The following PCYT1A variants were observed in gnomAD, a reference collection of about 807,000 sequenced individuals.
PCYT1A encodes the protein phosphate cytidylyltransferase 1A, choline.
A neutral mutation model predicts 43.7 loss-of-function variants in PCYT1A; 25 were observed. The ratio of observed to expected loss-of-function variants is 0.57; its 90% confidence interval spans 0.42 to 0.80. The LOEUF is 0.80. Among genes scored for constraint, PCYT1A ranks in the 30% least tolerant of loss-of-function variants. The probability of loss-of-function intolerance (pLI) is 0.00; values close to 1 mark genes in which losing one functional copy is unlikely to be tolerated. For synonymous variants in PCYT1A, 172 were observed against 170.7 expected (o/e 1.01, Z -0.06); for missense variants, 421 against 474.2 (o/e 0.89, Z 1.04).
intron 2 of PCYT1A, among the ~76,000 whole-genome samples, chr3:196,265,440 G>A (rs1725239478): frequency 6.6e-6 from 1 of 152,042 alleles, no homozygotes; most frequent in Non-Finnish European, 1.5e-5. Context: ...TGAACCTTTA[G>A]AAACATCTGT....
At position 196,247,839 on chromosome 3, in the gene PCYT1A, T is replaced by C; in HGVS notation, c.335-321A>G. 1 of 519,108 alleles carries C rather than the reference T, an allele frequency of 1.9e-6. No homozygotes were observed. The highest frequency in any genetic ancestry group is 3.8e-5 in the East Asian group (1 of 26,558). The allele number at this position is 519,108 out of a possible 1,614,324, so 32.2% of individuals were successfully genotyped here. A position where few individuals can be genotyped will look rare whatever the true frequency, so the allele number is the denominator to read the frequency against. On this transcript the variant is annotated intron_variant, in intron 4 of 8. Transcript: ENST00000431016. This position sits in a 1 kb window ranked among gnomAD's most constrained non-coding sequence, Gnocchi z 4.8. ...AGTCCTTAAACATGTTTTCCTGTTT[T>C]ATTCACACTGGACTGGACCACCTAA...
At chr3:196,239,492 G>A in intron 8 of PCYT1A, 55 bp downstream of exon 8, 1 of 1,169,026 alleles carries the variant, frequency 8.6e-7, no homozygotes, top group Non-Finnish European at 1.3e-6. Flanking sequence ...CAATGATTCT[G>A]TCATTCTTTC....
In PCYT1A at chr3:196,238,831, T is replaced by C; in HGVS notation, c.961A>G (p.Ser321Gly). Residue 321 changes from serine to glycine, a missense_variant, in exon 9 of 9, where the codon AGC becomes GGC. By Grantham distance (56) the Ser-to-Gly change is moderately conservative (BLOSUM62 0). Around this residue, in one of 3 missense-constraint regions of PCYT1A, gnomAD observed 108 missense variants for 85.7 expected, o/e 1.26. Transcript: ENST00000431016. ...GAGCGCTCGCGAGTAGGGCTGCTGC[T>C]GGGGCTCTGCTTCGGGCTGATGGCC... The part of the protein sequence containing the change: ...LQAISPKQSP[S>G]SSPTRERSPS... 6.4e-7 allele frequency: 1 copy of C among 1,565,916 alleles called. No homozygotes were observed.
At chr3:196,246,783 T>C (rs945119585) in intron 5 of PCYT1A, among the ~76,000 whole-genome samples, 1 of 152,106 alleles carries the variant, frequency 6.6e-6, no homozygotes, top group Non-Finnish European at 1.5e-5. Context: ...GTTCTAAGGG[T>C]AGATGTGCCT....
intron 2 of PCYT1A, among the ~76,000 whole-genome samples, chr3:196,270,107 T>C (rs66805306): frequency 0.37 from 55,885 of 152,038 alleles, 10,989 homozygotes; most frequent in East Asian, 0.81. Context: ...CAGGTGATCC[T>C]CCCACCTCAG....
chr3:196,282,406 T>C lies in PCYT1A; in HGVS notation c.-11+5209A>G, dbSNP rs1033780703. On this transcript the variant is annotated intron_variant, in intron 1 of 8. Transcript: ENST00000431016. This position sits in a 1 kb window ranked among gnomAD's most constrained non-coding sequence, Gnocchi z 4.3. ...TTCCTAGAGTGGGTTATGGAACTCA[T>C]ATCTCTGAGGCAGGGTCTATGATAG... Among the ~76,000 whole-genome samples the C allele has an allele frequency of 6.6e-6, 1 of 152,228 alleles. No homozygotes were observed. The highest frequency in any genetic ancestry group is 6.5e-5 in the Admixed American group (1 of 15,274).
chr3:196,246,501 G>A (rs545546595), intron 5 of PCYT1A, among the ~76,000 whole-genome samples: 4 of 152,004 alleles, frequency 2.6e-5, no homozygotes, highest in Non-Finnish European at 5.9e-5. Flanking sequence ...CTCCCAAAGT[G>A]CTTGGATTAC....
rs373221653 is a variant in PCYT1A, at chr3:196,239,531, G to C, written c.897+16C>G. ...AACATGGAACTCCCTACATTGTCCA[G>C]TGGGAAAGAACATACCAGTGCTCCT... On this transcript the variant is annotated intron_variant, in intron 8 of 8. Coordinates refer to ENST00000431016, the MANE Select transcript of PCYT1A (RefSeq NM_001312673.2). 181 of 1,550,952 alleles carry C rather than the reference G, an allele frequency of 1.2e-4. 1 individual carries two copies. Among genetic ancestry groups the C allele is most frequent in the Non-Finnish European group, 1.6e-4 (179 of 1,123,632 alleles).
At chr3:196,257,754 A>T in intron 3 of PCYT1A, 34 bp downstream of exon 3, 2 of 1,269,856 alleles carry the variant, frequency 1.6e-6, no homozygotes. Context: ...TAAAAACAAT[A>T]GTCAAACAAC....
At chr3:196,256,033 C>G (rs1441779217) in intron 3 of PCYT1A, among the ~76,000 whole-genome samples, 1 of 152,094 alleles carries the variant, frequency 6.6e-6, no homozygotes. Flanking sequence ...ATAAGGGAAG[C>G]CAAACTCAAA....
Position 196,242,648 on chromosome 3 carries a change from T to A in PCYT1A, c.487-8A>T. 1 of 1,571,340 alleles carries A rather than the reference T, an allele frequency of 6.4e-7. No homozygotes were observed. Among genetic ancestry groups the A allele is most frequent in the South Asian group, 1.1e-5 (1 of 90,248 alleles). On this transcript the variant is annotated splice_polypyrimidine_tract_variant and splice_region_variant and intron_variant, in intron 5 of 8. Coordinates refer to ENST00000431016, the MANE Select transcript of PCYT1A (RefSeq NM_001312673.2). The surrounding 1 kb of genome is among the most constrained non-coding windows in gnomAD (Gnocchi z 4.2). ...ATGGGCTACAAAATCAATCTGAAAA[T>A]AAGGAAACATCATTAAAACCCATGA...
At chr3:196,274,219 C>T (rs1221551637) in intron 1 of PCYT1A, among the ~76,000 whole-genome samples, 1 of 152,238 alleles carries the variant, frequency 6.6e-6, no homozygotes, top group Non-Finnish European at 1.5e-5. Context: ...AGGGGAGGTT[C>T]CTGGGCCCCC....
chr3:196,269,438 A>G (rs1028622827), intron 2 of PCYT1A, among the ~76,000 whole-genome samples: 4 of 152,176 alleles, frequency 2.6e-5, no homozygotes, highest in Admixed American at 6.5e-5. Flanking sequence ...TGTCACTGGG[A>G]TTTTGAAACA....
intron 1 of PCYT1A, among the ~76,000 whole-genome samples, chr3:196,270,761 A>C (rs1434769379): frequency 6.6e-6 from 1 of 152,244 alleles, no homozygotes; most frequent in Admixed American, 6.5e-5. Context: ...AACAATGGCC[A>C]CAGTGAATTG....
intron 2 of PCYT1A, among the ~76,000 whole-genome samples, chr3:196,265,839 C>T (rs1725253907): frequency 6.6e-6 from 1 of 151,942 alleles, no homozygotes; most frequent in Non-Finnish European, 1.5e-5. Context: ...CCTGGGTTCA[C>T]GCCATTCTCC....
chr3:196,265,845 T>C (rs908018136), intron 2 of PCYT1A, among the ~76,000 whole-genome samples: 3 of 151,980 alleles, frequency 2.0e-5, no homozygotes, highest in African/African-American at 7.2e-5. Flanking sequence ...TTCACGCCAT[T>C]CTCCTGCTTC....
In PCYT1A at chr3:196,236,297, T is replaced by C. The variant is rs1050114031; in HGVS notation, c.*2391A>G. 1.3e-5 allele frequency: 2 copies of C among 152,212 alleles called. No homozygotes were observed. Among genetic ancestry groups the C allele is most frequent in the Non-Finnish European group, 1.5e-5 (1 of 68,050 alleles). 9.4% of individuals were successfully genotyped at this position (152,212 alleles called of 1,614,324 possible). A position where few individuals can be genotyped will look rare whatever the true frequency, so the allele number is the denominator to read the frequency against. On this transcript the variant is annotated 3_prime_UTR_variant, in exon 9 of 9. Coordinates refer to ENST00000431016, the MANE Select transcript of PCYT1A (RefSeq NM_001312673.2). ...TGTGCACTTGGAGGAACCAAGCAGA[T>C]GGGCTTCAGCACAGACTTCACTGCC...
At chr3:196,241,698 T>C (rs975778742) in intron 7 of PCYT1A, 16 of 1,409,158 alleles carry the variant, frequency 1.1e-5, no homozygotes, top group African/African-American at 4.3e-5. Flanking sequence ...ACAGAAATAC[T>C]GCACTATATA....
chr3:196,252,086 C>A lies in PCYT1A; in HGVS notation c.218-3763G>T, dbSNP rs1560167274. Among the ~76,000 whole-genome samples the A allele has an allele frequency of 6.6e-6, 1 of 151,252 alleles. No individual in the cohort carries two copies. Among genetic ancestry groups the A allele is most frequent in the Non-Finnish European group, 1.5e-5 (1 of 67,620 alleles). On this transcript the variant is annotated intron_variant, in intron 3 of 8. Transcript: ENST00000431016. This position sits in a 1 kb window ranked among gnomAD's most constrained non-coding sequence, Gnocchi z 4.0. ...ACCACGCCCCGCTGACTACAGCGCA[C>A]CCCGCCACGCCCCGCAGACTACAGC...
Sources: allele counts gnomAD v4.1 joint callset (sites outside exome capture counted in the v4.1 genomes callset), GRCh38; gene constraint gnomAD v4.1.1; regional missense constraint gnomAD v4.1.1; non-coding constraint Gnocchi (gnomAD v3.1); transcripts MANE v1.5; gene names NCBI Gene and HGNC (gene_info 2026-07-23, HGNC 2026-07-21).